The following EN1 variants were observed in gnomAD, a reference collection of about 807,000 sequenced individuals.
EN1 encodes engrailed homeobox 1.
EN1 carries 8 observed loss-of-function variants against 22.9 expected under a neutral mutation model. The ratio of observed to expected loss-of-function variants is 0.35; its 90% confidence interval spans 0.20 to 0.63. EN1 has a LOEUF of 0.63. EN1 is among the 20% of genes least tolerant of loss of function. The pLI, the probability that EN1 is intolerant of heterozygous loss-of-function variation, is 0.73. For missense variants in EN1, 521 were observed against 572.1 expected (o/e 0.91, Z 0.91); for synonymous variants, 287 against 262.5 (o/e 1.09, Z -0.90).
intron 1 of EN1, among the ~76,000 whole-genome samples, chr2:118,845,834 G>A (rs933293923): frequency 6.6e-6 from 1 of 152,124 alleles, no homozygotes; most frequent in Admixed American, 6.5e-5. Flanking sequence ...ATATCGAGAT[G>A]GTGTTTGTGT....
chr2:118,846,440 G>A lies in EN1; in HGVS notation c.728C>T (p.Pro243Leu), dbSNP rs368224377. The A allele has an allele frequency of 5.6e-6, 9 of 1,612,316 alleles. No individual in the cohort carries two copies. The highest frequency in any genetic ancestry group is 7.6e-6 in the Non-Finnish European group (9 of 1,179,586). Residue 243 changes from proline (P) to leucine (L), a missense_variant, in exon 1 of 2, where the codon CCG becomes CTG. Pro to Leu is a moderately conservative substitution (Grantham distance 98). Transcript: ENST00000295206. The surrounding 1 kb of genome is among the most constrained non-coding windows in gnomAD (Gnocchi z 5.0). Reference sequence around the variant, plus strand: ...TAGGATAGCCGGGTTGCCGTGCTCCGGGTATTTGGTGCCCTGCGCTCCGGG... The same window carrying A: ...TAGGATAGCCGGGTTGCCGTGCTCCAGGTATTTGGTGCCCTGCGCTCCGGG... ...GSPGAQGTKY[P>L]EHGNPAILLM...
Position 118,847,184 on chromosome 2 carries a change from G to A in EN1, c.-17C>T. ...TTCTTCCATGCTCGGCCGCCCCGCC[G>A]CCCCGGCCGCCGCGCCGGCCCCCGC... is the stretch of plus-strand genomic sequence containing the variant. On this transcript the variant is annotated 5_prime_UTR_variant, in exon 1 of 2. Transcript: ENST00000295206. The A allele has an allele frequency of 1.0e-5, 8 of 773,760 alleles. No individual in the cohort carries two copies. Among genetic ancestry groups the A allele is most frequent in the South Asian group, 2.8e-5 (1 of 35,978 alleles). The allele number at this position is 773,760 out of a possible 1,614,324, so 47.9% of individuals were successfully genotyped here.
At chr2:118,843,484 G>C (rs1333197235) in intron 1 of EN1, among the ~76,000 whole-genome samples, 1 of 152,184 alleles carries the variant, frequency 6.6e-6, no homozygotes, top group Non-Finnish European at 1.5e-5. Context: ...GTTCCCTTTG[G>C]GAGGGCAAAG....
chr2:118,843,553 G>C (rs1339344942), intron 1 of EN1, among the ~76,000 whole-genome samples: 1 of 152,196 alleles, frequency 6.6e-6, no homozygotes, highest in East Asian at 1.9e-4. Context: ...AATTCTCACA[G>C]GACAGTCAGG....
At position 118,846,288 on chromosome 2, in the gene EN1, C is replaced by A. The variant is rs1678266759; in HGVS notation, c.862+18G>T. The A allele has an allele frequency of 1.2e-6, 2 of 1,604,172 alleles. No individual in the cohort carries two copies. The highest frequency in any genetic ancestry group is 8.5e-7 in the Non-Finnish European group (1 of 1,175,818). ...GCGGGGCCAGAAGGCATGGCGCAGCCCGGAGTTGGGTACTCACCGGAGGAT... is the reference window on the plus strand; with the variant it reads ...GCGGGGCCAGAAGGCATGGCGCAGCACGGAGTTGGGTACTCACCGGAGGAT... On this transcript the variant is annotated intron_variant, in intron 1 of 1. Coordinates refer to ENST00000295206, the MANE Select transcript of EN1 (RefSeq NM_001426.4). This position sits in a 1 kb window ranked among gnomAD's most constrained non-coding sequence, Gnocchi z 5.0.
In EN1 at chr2:118,843,088, G is replaced by T. The variant is rs76483309; in HGVS notation, c.1029C>A (p.Asn343Lys). 6.2e-7 allele frequency: 1 copy of T among 1,614,178 alleles called. No homozygotes were observed. The highest frequency in any genetic ancestry group is 8.5e-7 in the Non-Finnish European group (1 of 1,180,032). Residue 343 changes from asparagine (N) to lysine (K), a missense_variant, in exon 2 of 2, where the codon AAC becomes AAA. Around this residue, in one of 3 missense-constraint regions of EN1, gnomAD observed 50 missense variants for 121.8 expected, o/e 0.41. Transcript: ENST00000295206. ...RQTLAQELSL[N>K]ESQIKIWFQN... ...GGAACCAGATCTTGATCTGGGACTCGTTGAGGCTGAGTTCCTGGGCCAGGG... is the reference window on the plus strand; with the variant it reads ...GGAACCAGATCTTGATCTGGGACTCTTTGAGGCTGAGTTCCTGGGCCAGGG...
rs1208054579 is a variant in EN1 at position 118,847,450 on chromosome 2, A to G, written c.-283T>C. On this transcript the variant is annotated 5_prime_UTR_variant, in exon 1 of 2. Transcript: ENST00000295206. ...TTTTTTCTTTCTGCAACCAGATTCAATGATTTGATTTAAATGGGGAGTAAG... is the reference window on the plus strand; with the variant it reads ...TTTTTTCTTTCTGCAACCAGATTCAGTGATTTGATTTAAATGGGGAGTAAG... 1 of 296,202 alleles carries G rather than the reference A, an allele frequency of 3.4e-6. No individual in the cohort carries two copies. The highest frequency in any genetic ancestry group is 5.1e-5 in the Admixed American group (1 of 19,494). The allele number at this position is 296,202 out of a possible 1,614,324, so 18.3% of individuals were successfully genotyped here.
rs1311697258 is a variant in EN1, at chr2:118,847,457, G to A, written c.-290C>T. ...TTTCTGCAACCAGATTCAATGATTT[G>A]ATTTAAATGGGGAGTAAGCCACGGC... On this transcript the variant is annotated 5_prime_UTR_variant, in exon 1 of 2. Transcript: ENST00000295206. 1 of 291,334 alleles carries A rather than the reference G, an allele frequency of 3.4e-6. No homozygotes were observed. Among genetic ancestry groups the A allele is most frequent in the Non-Finnish European group, 6.3e-6 (1 of 159,304 alleles). 18.0% of individuals were successfully genotyped at this position (291,334 alleles called of 1,614,324 possible).
rs1231827054 is a variant in EN1, at chr2:118,846,458, G to A, written c.710C>T (p.Ala237Val). ...GTGCTCCGGGTATTTGGTGCCCTGC[G>A]CTCCGGGGCTCCCCGCGCCGCCTCC... ...GSGGGAGSPG[A>V]QGTKYPEHGN... Residue 237 changes from alanine (A) to valine (V), a missense_variant, in exon 1 of 2, where the codon GCG (alanine) becomes GTG (valine). Ala to Val is a moderately conservative substitution (Grantham distance 64). This residue lies in a region of EN1 where 436 missense variants were observed against 410.1 expected (regional missense o/e 1.06). Coordinates refer to ENST00000295206, the MANE Select transcript of EN1 (RefSeq NM_001426.4). The surrounding 1 kb of genome is among the most constrained non-coding windows in gnomAD (Gnocchi z 5.0). The A allele has an allele frequency of 5.6e-6, 9 of 1,606,044 alleles. No homozygotes were observed. The highest frequency in any genetic ancestry group is 7.6e-6 in the Non-Finnish European group (9 of 1,177,224).
At position 118,846,537 on chromosome 2, in the gene EN1, C is replaced by T; in HGVS notation, c.631G>A (p.Ala211Thr). The T allele has an allele frequency of 8.4e-7, 1 of 1,190,216 alleles. No individual in the cohort carries two copies. The highest frequency in any genetic ancestry group is 1.0e-6 in the Non-Finnish European group (1 of 962,796). 73.7% of individuals were successfully genotyped at this position (1,190,216 alleles called of 1,614,324 possible). A position where few individuals can be genotyped will look rare whatever the true frequency, so the allele number is the denominator to read the frequency against. Residue 211 changes from alanine to threonine, a missense_variant, in exon 1 of 2, where the codon GCG becomes ACG. By Grantham distance (58) the Ala-to-Thr change is moderately conservative. This residue lies in a region of EN1 where 436 missense variants were observed against 410.1 expected (regional missense o/e 1.06). Transcript: ENST00000295206. This position sits in a 1 kb window ranked among gnomAD's most constrained non-coding sequence, Gnocchi z 5.0. ...TTGGCTGCTGCGGCCGCCGCCGCCG[C>T]CGCCACTGCCGCCGCGGCCGCCGCC... ...AAAAAAAAVA[A>T]AAAAAAAKPS...
intron 1 of EN1, among the ~76,000 whole-genome samples, chr2:118,845,333 C>T (rs1193580935): frequency 6.6e-6 from 1 of 152,352 alleles, no homozygotes; most frequent in South Asian, 2.1e-4. Flanking sequence ...GCCGCTCTCC[C>T]AGACACTGCG....
Position 118,846,432 on chromosome 2 carries a change from C to T in EN1, c.736G>A (p.Gly246Ser), listed in dbSNP as rs767839861. ...GAQGTKYPEH[G>S]NPAILLMGSA... ...CCCATAAGTAGGATAGCCGGGTTGC[C>T]GTGCTCCGGGTATTTGGTGCCCTGC... Residue 246 changes from glycine (G) to serine (S), a missense_variant, in exon 1 of 2, where the codon GGC becomes AGC. This residue lies in a region of EN1 where 436 missense variants were observed against 410.1 expected (regional missense o/e 1.06). Coordinates refer to ENST00000295206, the MANE Select transcript of EN1 (RefSeq NM_001426.4). This position sits in a 1 kb window ranked among gnomAD's most constrained non-coding sequence, Gnocchi z 5.0. The T allele has an allele frequency of 3.1e-6, 5 of 1,612,806 alleles. No individual in the cohort carries two copies. Among genetic ancestry groups the T allele is most frequent in the Non-Finnish European group, 4.2e-6 (5 of 1,179,698 alleles).
rs2104611701 is a variant in EN1, at chr2:118,846,389, G to C, written c.779C>G (p.Pro260Arg). 6.2e-7 allele frequency: 1 copy of C among 1,612,404 alleles called. No individual in the cohort carries two copies. Among genetic ancestry groups the C allele is most frequent in the East Asian group, 2.2e-5 (1 of 44,822 alleles). Residue 260 changes from proline (P) to arginine (R), a missense_variant, in exon 1 of 2, where the codon CCC becomes CGC. Coordinates refer to ENST00000295206, the MANE Select transcript of EN1 (RefSeq NM_001426.4). The surrounding 1 kb of genome is among the most constrained non-coding windows in gnomAD (Gnocchi z 5.0). ...ILLMGSANGG[P>R]VVKTDSQQPL... ...CTGCTGCGAGTCAGTTTTGACCACGGGCCCGCCGTTGGCTGAGCCCATAAG... is the reference window on the plus strand; with the variant it reads ...CTGCTGCGAGTCAGTTTTGACCACGCGCCCGCCGTTGGCTGAGCCCATAAG...
In EN1 at chr2:118,846,218, G is replaced by A. The variant is rs550537662; in HGVS notation, c.862+88C>T. The stretch of plus-strand genomic sequence containing the variant: ...TGAGAGACTGGAGTACCCGAGGCCG[G>A]GTTTGCTCTCCCTAGCGCCGCAGCT... On this transcript the variant is annotated intron_variant, in intron 1 of 1. Transcript: ENST00000295206. The surrounding 1 kb of genome is among the most constrained non-coding windows in gnomAD (Gnocchi z 5.0). The A allele has an allele frequency of 5.4e-5, 83 of 1,528,698 alleles. No individual in the cohort carries two copies. The African/African-American group carries it at 1.0e-3, about 18-fold the overall frequency. The allele number at this position is 1,528,698 out of a possible 1,614,324, so 94.7% of individuals were successfully genotyped here.
chr2:118,846,362 G>A lies in EN1; in HGVS notation c.806C>T (p.Pro269Leu). 8 of 1,612,818 alleles carry A rather than the reference G, an allele frequency of 5.0e-6. No individual in the cohort carries two copies. Among genetic ancestry groups the A allele is most frequent in the Non-Finnish European group, 6.8e-6 (8 of 1,179,792 alleles). Residue 269 changes from proline to leucine, a missense_variant, in exon 1 of 2, where the codon CCT becomes CTT. Pro to Leu is a moderately conservative substitution (Grantham distance 98). Transcript: ENST00000295206. This position sits in a 1 kb window ranked among gnomAD's most constrained non-coding sequence, Gnocchi z 5.0. Reference sequence around the variant, plus strand: ...GTACACCCAGGCGGGCCATACGAGAGGCTGCTGCGAGTCAGTTTTGACCAC... The same window carrying A: ...GTACACCCAGGCGGGCCATACGAGAAGCTGCTGCGAGTCAGTTTTGACCAC... The part of the protein sequence containing the change: ...GPVVKTDSQQ[P>L]LVWPAWVYCT...
Position 118,846,685 on chromosome 2 carries a change from G to A in EN1, c.483C>T (p.Thr161=), listed in dbSNP as rs757212129. Residue 161 remains threonine (T), a synonymous_variant, in exon 1 of 2, where the codon ACC becomes ACT. Coordinates refer to ENST00000295206, the MANE Select transcript of EN1 (RefSeq NM_001426.4). The surrounding 1 kb of genome is among the most constrained non-coding windows in gnomAD (Gnocchi z 5.0). ...GGAGCGAGGCAGCGCCTGGCGCCCG[G>A]GTGCCCAACGGGTGGACAGGGTCTC... is the stretch of plus-strand genomic sequence containing the variant. The part of the protein sequence containing the change: ...AGRDPVHPLG[T]RAPGAASLLC... 2 of 1,583,276 alleles carry A rather than the reference G, an allele frequency of 1.3e-6. No homozygotes were observed. The highest frequency in any genetic ancestry group is 1.7e-6 in the Non-Finnish European group (2 of 1,173,470).
rs1228876273 is a variant in EN1 at position 118,847,205 on chromosome 2, C to T, written c.-38G>A. ...CGCCGCCCCGGCCGCCGCGCCGGCC[C>T]CCGCCCCCACCGCCTCGCTCCCCAC... is the stretch of plus-strand genomic sequence containing the variant. On this transcript the variant is annotated 5_prime_UTR_variant, in exon 1 of 2. Transcript: ENST00000295206. 1 of 609,780 alleles carries T rather than the reference C, an allele frequency of 1.6e-6. No homozygotes were observed. The highest frequency in any genetic ancestry group is 2.5e-6 in the Non-Finnish European group (1 of 397,372). The allele number at this position is 609,780 out of a possible 1,614,324, so 37.8% of individuals were successfully genotyped here.
In EN1 at chr2:118,846,396, C is replaced by T; in HGVS notation, c.772G>A (p.Gly258Ser). The change falls in exon 1 of 2, where the codon GGC becomes AGC. Residue 258 changes from glycine to serine, a missense_variant. By Grantham distance (56) the Gly-to-Ser change is moderately conservative. This residue lies in a region of EN1 where 436 missense variants were observed against 410.1 expected (regional missense o/e 1.06). Transcript: ENST00000295206. This position sits in a 1 kb window ranked among gnomAD's most constrained non-coding sequence, Gnocchi z 5.0. ...GAGTCAGTTTTGACCACGGGCCCGC[C>T]GTTGGCTGAGCCCATAAGTAGGATA... ...PAILLMGSANGGPVVKTDSQQ... is the reference protein window; with the variant it reads ...PAILLMGSANSGPVVKTDSQQ... The T allele has an allele frequency of 6.2e-7, 1 of 1,613,298 alleles. No homozygotes were observed. Among genetic ancestry groups the T allele is most frequent in the Middle Eastern group, 1.6e-4 (1 of 6,062 alleles).
At chr2:118,845,672 CTTTTTGG>C (rs1303452180) in intron 1 of EN1, among the ~76,000 whole-genome samples, 5 of 152,214 alleles carry the variant, frequency 3.3e-5, no homozygotes, top group Non-Finnish European at 5.9e-5. Flanking sequence ...CAGCACCCAC[CTTTTTGG>C]CAACTGCCTT....
Sources: allele counts gnomAD v4.1 joint callset (sites outside exome capture counted in the v4.1 genomes callset), GRCh38; gene constraint gnomAD v4.1.1; regional missense constraint gnomAD v4.1.1; non-coding constraint Gnocchi (gnomAD v3.1); transcripts MANE v1.5; gene names NCBI Gene and HGNC (gene_info 2026-07-23, HGNC 2026-07-21).